CCS: variants seen among roughly 807,000 people sequenced by gnomAD.
The protein encoded by CCS is copper chaperone for superoxide dismutase.
Under a neutral mutation model 35.5 loss-of-function variants are expected in CCS, and 32 were observed. The ratio of observed to expected loss-of-function variants is 0.90; its 90% CI spans 0.68 to 1.21. CCS has a LOEUF of 1.21. Among genes scored for constraint, CCS ranks in the 50% most tolerant of loss-of-function variants. The pLI is 0.00. For synonymous variants in CCS, 130 were observed against 147.2 expected (o/e 0.88, Z 0.84); for missense variants, 342 against 375.4 (o/e 0.91, Z 0.73).
At chr11:66,605,125 G>T (rs1858632518) in intron 5 of CCS, 1 of 1,523,464 alleles carries the variant, frequency 6.6e-7, no homozygotes, top group Non-Finnish European at 8.8e-7. Context: ...AGATGGTCCG[G>T]GACTTCCTGG....
chr11:66,593,353 TGGGATGATCGTTACCTTG>T, intron 1 of CCS, 53 bp downstream of exon 1: 1 of 1,456,236 alleles, frequency 6.9e-7, no homozygotes, highest in Non-Finnish European at 9.1e-7. Context: ...CCTCGGCCCC[TGGGATGATCGTTACCTTG>T]GGAAGAGGAG....
chr11:66,594,774 C>CA (rs992030660), intron 2 of CCS, among the ~76,000 whole-genome samples: 5,429 of 64,672 alleles, frequency 0.084, 148 homozygotes, highest in African/African-American at 0.11. Flanking sequence ...GACCCTCTCT[C>CA]AAAAAAAAAA....
At chr11:66,599,016 G>T in intron 2 of CCS, 100 bp from the exon 3 acceptor site, 1 of 1,463,794 alleles carries the variant, frequency 6.8e-7, no homozygotes, top group Non-Finnish European at 9.5e-7. Flanking sequence ...TGGGAAGTTT[G>T]GTGGAAATGG....
chr11:66,602,086 T>G (rs1291830774), intron 5 of CCS, among the ~76,000 whole-genome samples: 1 of 152,216 alleles, frequency 6.6e-6, no homozygotes, highest in Non-Finnish European at 1.5e-5. Context: ...TCTGGGAAAT[T>G]GGAGAGGCAT....
intron 2 of CCS, among the ~76,000 whole-genome samples, chr11:66,595,734 A>G (rs1051887613): frequency 6.6e-5 from 10 of 152,082 alleles, no homozygotes; most frequent in Non-Finnish European, 1.5e-4. Flanking sequence ...GCTACATTCC[A>G]GGGTCTACCA....
rs757803882 is a variant in CCS, at chr11:66,600,484, C to T, written c.429-5C>T. The T allele has an allele frequency of 1.3e-6, 2 of 1,536,084 alleles. No individual in the cohort carries two copies. Among genetic ancestry groups the T allele is most frequent in the African/African-American group, 2.8e-5 (2 of 71,670 alleles). On this transcript the variant is annotated splice_region_variant and splice_polypyrimidine_tract_variant and intron_variant, in intron 4 of 7. Coordinates refer to ENST00000533244, the MANE Select transcript of CCS (RefSeq NM_005125.2). ...TCCTGCCCACCTGTTTCCTTTCTTTCTTAGCTGTGGGAATCACTTTAACCC... is the reference window on the plus strand; with the variant it reads ...TCCTGCCCACCTGTTTCCTTTCTTTTTTAGCTGTGGGAATCACTTTAACCC...
In CCS at chr11:66,599,640, A is replaced by G; in HGVS notation, c.428+4A>G. ...ACCTTACAAACAACTGCAACAGGTG[A>G]GTTGTCTGAAGTCTCCCCAGTAGCA... On this transcript the variant is annotated splice_donor_region_variant and intron_variant, in intron 4 of 7. Transcript: ENST00000533244. 6.2e-7 allele frequency: 1 copy of G among 1,611,212 alleles called. No homozygotes were observed. Among genetic ancestry groups the G allele is most frequent in the South Asian group, 1.1e-5 (1 of 90,456 alleles).
intron 2 of CCS, among the ~76,000 whole-genome samples, chr11:66,594,785 A>C (rs577716699): frequency 2.6e-4 from 40 of 152,006 alleles, no homozygotes; most frequent in African/African-American, 9.6e-4. Flanking sequence ...AAAAAAAAAA[A>C]AAAAAAAAAC....
chr11:66,597,472 G>A (rs1858497157), intron 2 of CCS, among the ~76,000 whole-genome samples: 1 of 147,972 alleles, frequency 6.8e-6, no homozygotes, highest in Non-Finnish European at 1.5e-5. Context: ...AGAAAAAAAG[G>A]CCAGGTGTGG....
In CCS at chr11:66,598,032, C is replaced by T. The variant is rs547729866; in HGVS notation, c.113-1084C>T. 3.3e-5 allele frequency among the ~76,000 whole-genome samples: 5 copies of T among 151,128 alleles called. No homozygotes were observed. The South Asian group carries it at 8.4e-4, about 25-fold the overall frequency. On this transcript the variant is annotated intron_variant, in intron 2 of 7. Transcript: ENST00000533244. Reference sequence around the variant, plus strand: ...TTGGGAGGCTGAGGTTGCAGTGAGCCGAGATTGTGCCATTACACTCCAGCC... The same window carrying T: ...TTGGGAGGCTGAGGTTGCAGTGAGCTGAGATTGTGCCATTACACTCCAGCC...
chr11:66,593,767 C>A (rs1200850944), intron 2 of CCS, 53 bp downstream of exon 2: 4 of 1,522,828 alleles, frequency 2.6e-6, no homozygotes, highest in Non-Finnish European at 3.6e-6. Context: ...CTGGGAGGGA[C>A]CAGGCGAATC....
intron 1 of CCS, 117 bp downstream of exon 1, chr11:66,593,417 G>A (rs1229841645): frequency 8.6e-7 from 1 of 1,158,508 alleles, no homozygotes; most frequent in African/African-American, 1.6e-5. Flanking sequence ...CTGGGGCCAT[G>A]GGATGAAACT....
Position 66,599,569 on chromosome 11 carries a change from G to A in CCS, c.361G>A (p.Gly121Ser), listed in dbSNP as rs750283280. 12 of 1,605,242 alleles carry A rather than the reference G, an allele frequency of 7.5e-6. No homozygotes were observed. The highest frequency in any genetic ancestry group is 5.6e-5 in the South Asian group (5 of 90,054). The change falls in exon 4 of 8, where the codon GGC becomes AGC. Residue 121 changes from glycine (G) to serine (S), a missense_variant. Transcript: ENST00000533244. The part of the protein sequence containing the change: ...ERCLIEGTID[G>S]LEPGLHGLHV... ...CTGCCTCATCGAGGGAACTATTGAC[G>A]GCCTGGAGCCTGGGCTGCATGGACT... is the stretch of plus-strand genomic sequence containing the variant.
chr11:66,593,757 C>A, intron 2 of CCS, 43 bp downstream of exon 2: 1 of 1,570,760 alleles, frequency 6.4e-7, no homozygotes, highest in East Asian at 2.2e-5. Context: ...CCAGAAGCCT[C>A]TGGGAGGGAC....
rs1417100062 is a variant in CCS, at chr11:66,605,575, A to T, written c.654A>T (p.Thr218=). ...GAGGCCATCCCTTATCCAAGATCAC[A>T]GGGAACTCCGGGGAGAGGTGAGTGG... ...GRGGHPLSKI[T]GNSGERLACG... The change falls in exon 7 of 8, where the codon ACA becomes ACT. Residue 218 remains threonine (T), a synonymous_variant. Coordinates refer to ENST00000533244, the MANE Select transcript of CCS (RefSeq NM_005125.2). The T allele has an allele frequency of 6.2e-7, 1 of 1,613,892 alleles. No individual in the cohort carries two copies. The highest frequency in any genetic ancestry group is 8.5e-7 in the Non-Finnish European group (1 of 1,179,918).
intron 4 of CCS, 65 bp downstream of exon 4, chr11:66,599,701 A>G: frequency 2.8e-6 from 4 of 1,449,928 alleles, no homozygotes; most frequent in Non-Finnish European, 3.8e-6. Context: ...GGCCCTCACC[A>G]ATACTCTGTG....
Position 66,605,928 on chromosome 11 carries a change from A to G in CCS, c.*73A>G. The G allele has an allele frequency of 7.1e-7, 1 of 1,416,296 alleles. No homozygotes were observed. Among genetic ancestry groups the G allele is most frequent in the Non-Finnish European group, 9.3e-7 (1 of 1,080,472 alleles). 87.7% of individuals were successfully genotyped at this position (1,416,296 alleles called of 1,614,324 possible). On this transcript the variant is annotated 3_prime_UTR_variant, in exon 8 of 8. Coordinates refer to ENST00000533244, the MANE Select transcript of CCS (RefSeq NM_005125.2). ...TCCACTTCCAGAGGGGGCCAGAGGG[A>G]CTTTGCCTGCCCAGTCTTTGGAGAG...
chr11:66,602,871 C>A (rs1482510910), intron 5 of CCS, among the ~76,000 whole-genome samples: 1 of 152,234 alleles, frequency 6.6e-6, no homozygotes, highest in African/African-American at 2.4e-5. Context: ...CGGTGACTGG[C>A]AAGTTGCTGT....
rs761433513 is a variant in CCS at position 66,593,350 on chromosome 11, C to G, written c.39+50C>G. 2.7e-6 allele frequency: 4 copies of G among 1,463,372 alleles called. No homozygotes were observed. The African/African-American group carries it at 5.7e-5, about 21-fold the overall frequency. The allele number at this position is 1,463,372 out of a possible 1,614,324, so 90.6% of individuals were successfully genotyped here. The stretch of plus-strand genomic sequence containing the variant: ...GCCTCGCCGGGCAGAGAGCCTCGGC[C>G]CCTGGGATGATCGTTACCTTGGGAA... On this transcript the variant is annotated intron_variant, in intron 1 of 7. Transcript: ENST00000533244.
Sources: gnomAD v4.1 joint callset for allele counts (sites outside exome capture counted in the v4.1 genomes callset) on GRCh38, gnomAD v4.1.1 for gene constraint, MANE v1.5 for transcripts, NCBI Gene and HGNC (gene_info 2026-07-23, HGNC 2026-07-21) for gene names.